TMEM135: variants seen among roughly 807,000 people sequenced by gnomAD.
TMEM135 encodes peroxisomal membrane protein 52.
In TMEM135, 30 loss-of-function variants were observed where a neutral mutation model predicts 60.3. The observed-to-expected ratio is 0.50, with a 90% confidence interval of 0.37 to 0.68. The LOEUF is 0.68. Among genes scored for constraint, TMEM135 ranks in the 30% least tolerant of loss-of-function variants. The probability of loss-of-function intolerance (pLI) is 0.00; values close to 1 mark genes in which losing one functional copy is unlikely to be tolerated. For synonymous variants in TMEM135, 190 were observed against 186.7 expected (o/e 1.02, Z -0.14); for missense variants, 468 against 548.8 (o/e 0.85, Z 1.47).
intron 4 of TMEM135, among the ~76,000 whole-genome samples, chr11:87,111,576 G>T (rs539179866): frequency 1.3e-5 from 2 of 151,104 alleles, no homozygotes; most frequent in Admixed American, 6.6e-5. Flanking sequence ...GCGTGAACCC[G>T]GGAGGTGGAG....
intron 1 of TMEM135, 57 bp from the exon 2 acceptor site, chr11:87,067,637 G>A (rs1856692267): frequency 1.2e-6 from 2 of 1,605,714 alleles, no homozygotes; most frequent in South Asian, 1.1e-5. Flanking sequence ...CCACATATAA[G>A]CTAATTTAAG....
intron 6 of TMEM135, among the ~76,000 whole-genome samples, chr11:87,271,860 C>T (rs1941869855): frequency 6.6e-6 from 1 of 151,692 alleles, no homozygotes; most frequent in African/African-American, 2.4e-5. Flanking sequence ...CACCTGAGCT[C>T]AGGAAGTCGA....
chr11:87,155,182 A>C (rs1033275229), intron 4 of TMEM135, among the ~76,000 whole-genome samples: 1 of 152,100 alleles, frequency 6.6e-6, no homozygotes, highest in Non-Finnish European at 1.5e-5. Context: ...TGTTTTTAGT[A>C]GAGATGGGGT....
At chr11:87,129,213 ATTTTTTTTTTTT>A (rs71040295) in intron 4 of TMEM135, among the ~76,000 whole-genome samples, 11 of 116,230 alleles carry the variant, frequency 9.5e-5, no homozygotes, top group East Asian at 4.4e-4. Flanking sequence ...TTATTCCTTA[ATTTTTTTTTTTT>A]TTTTTTTTTT....
intron 3 of TMEM135, among the ~76,000 whole-genome samples, chr11:87,082,440 A>G (rs968031615): frequency 6.6e-6 from 1 of 152,238 alleles, no homozygotes; most frequent in Non-Finnish European, 1.5e-5. Flanking sequence ...AAAATCAAGC[A>G]TATTAGTATT....
intron 6 of TMEM135, among the ~76,000 whole-genome samples, chr11:87,281,022 CT>C (rs1248732618): frequency 1.3e-5 from 2 of 152,142 alleles, no homozygotes; most frequent in African/African-American, 4.8e-5. Flanking sequence ...TAAGAAAAGA[CT>C]GGAAGCCCCT....
At chr11:87,246,234 T>C (rs955462737) in intron 6 of TMEM135, among the ~76,000 whole-genome samples, 6 of 149,726 alleles carry the variant, frequency 4.0e-5, no homozygotes, top group African/African-American at 1.5e-4. Context: ...GTTAGTCCAA[T>C]GGGCTTCCCT....
rs140303858 is a variant in TMEM135 at position 87,159,617 on chromosome 11, A to ACACACACACACACC, written c.462+2212_462+2213insACACACACACACCC. On this transcript the variant is annotated intron_variant, in intron 5 of 14. Coordinates refer to ENST00000305494, the MANE Select transcript of TMEM135 (RefSeq NM_022918.4). ...CGCACACACACACACACACACACAC[A>ACACACACACACACC]CCATAGATTTTCCGAGACGGTTGGC... is the stretch of plus-strand genomic sequence containing the variant. Among the ~76,000 whole-genome samples, 23 of 149,456 alleles carry ACACACACACACACC rather than the reference A, an allele frequency of 1.5e-4. No individual in the cohort carries two copies. In the Middle Eastern group the frequency reaches 0.01, roughly 66 times the overall value.
intron 5 of TMEM135, among the ~76,000 whole-genome samples, chr11:87,230,850 T>C (rs574350812): frequency 6.6e-6 from 1 of 151,920 alleles, no homozygotes; most frequent in South Asian, 2.1e-4. Context: ...TTTAATATTA[T>C]TTAATTTAAT....
intron 5 of TMEM135, among the ~76,000 whole-genome samples, chr11:87,173,304 T>C (rs781021966): frequency 2.0e-5 from 3 of 152,196 alleles, no homozygotes; most frequent in Non-Finnish European, 2.9e-5. Flanking sequence ...GATAGCGTCC[T>C]AAAGGCAAAT....
chr11:87,309,414 C>T (rs1942603885), intron 9 of TMEM135, 91 bp from the exon 10 acceptor site: 2 of 1,364,894 alleles, frequency 1.5e-6, no homozygotes, highest in African/African-American at 1.4e-5. Flanking sequence ...TTTGTTTTGT[C>T]TTGTTTCTAT....
At chr11:87,159,059 C>T (rs1036033104) in intron 5 of TMEM135, among the ~76,000 whole-genome samples, 1 of 152,010 alleles carries the variant, frequency 6.6e-6, no homozygotes, top group Non-Finnish European at 1.5e-5. Flanking sequence ...AGCATATCAA[C>T]GCATTGGATA....
At chr11:87,038,803 A>G (rs1949726971) in intron 1 of TMEM135, among the ~76,000 whole-genome samples, 1 of 152,056 alleles carries the variant, frequency 6.6e-6, no homozygotes, top group African/African-American at 2.4e-5. Flanking sequence ...TCTTTCAGTC[A>G]GTGAACTTGG....
chr11:87,124,318 G>A (rs1334808091), intron 4 of TMEM135, among the ~76,000 whole-genome samples: 1 of 152,164 alleles, frequency 6.6e-6, no homozygotes, highest in Non-Finnish European at 1.5e-5. Context: ...CCTTTTATAT[G>A]ACACTGCCAT....
chr11:87,191,772 G>A (rs549137552), intron 5 of TMEM135, among the ~76,000 whole-genome samples: 1 of 152,126 alleles, frequency 6.6e-6, no homozygotes, highest in South Asian at 2.1e-4. Flanking sequence ...TTGTTTTTAG[G>A]TTTGGGGATC....
intron 6 of TMEM135, chr11:87,259,246 C>T (rs1279094413): frequency 9.1e-6 from 4 of 438,728 alleles, no homozygotes; most frequent in East Asian, 9.7e-5. Flanking sequence ...AGGGGTTCCC[C>T]TGCGACAGCG....
intron 6 of TMEM135, among the ~76,000 whole-genome samples, chr11:87,278,693 A>T (rs72959817): frequency 0.025 from 3,774 of 152,276 alleles, 70 homozygotes; most frequent in Non-Finnish European, 0.036. Context: ...ATTAACTTTG[A>T]GTTATAATTT....
intron 3 of TMEM135, among the ~76,000 whole-genome samples, chr11:87,076,330 G>A (rs2513236): frequency 0.15 from 22,860 of 152,208 alleles, 2,513 homozygotes; most frequent in East Asian, 0.48. Flanking sequence ...CCAGCCCATG[G>A]CAGGCTTCTG....
chr11:87,186,002 G>A (rs570946), intron 5 of TMEM135, among the ~76,000 whole-genome samples: 19,708 of 150,320 alleles, frequency 0.13, 1,348 homozygotes, highest in Non-Finnish European at 0.15. Flanking sequence ...TGTCTCCCAG[G>A]TTCAAGTGAT....
Sources: gnomAD v4.1 joint callset for allele counts (sites outside exome capture counted in the v4.1 genomes callset) on GRCh38, gnomAD v4.1.1 for gene constraint, MANE v1.5 for transcripts, NCBI Gene and HGNC (gene_info 2026-07-23, HGNC 2026-07-21) for gene names.